The following DCAF10 variants were observed in gnomAD, a reference collection of about 807,000 sequenced individuals.
DCAF10 encodes DDB1 and CUL4 associated factor 10.
In DCAF10, 19 loss-of-function variants were observed where a neutral mutation model predicts 51.9. That is an observed-to-expected ratio of 0.37 (90% CI 0.26 to 0.54). The LOEUF (loss-of-function observed/expected upper bound fraction) is 0.54, where lower values mean the gene tolerates loss of function less well. Among genes scored for constraint, DCAF10 ranks in the 20% least tolerant of loss-of-function variants. DCAF10 has a pLI of 0.87. For missense variants in DCAF10, 510 were observed against 730.6 expected (o/e 0.70, Z 3.48); for synonymous variants, 291 against 297.1 (o/e 0.98, Z 0.21).
At chr9:37,842,845 C>T (rs949632145) in intron 3 of DCAF10, among the ~76,000 whole-genome samples, 8 of 152,170 alleles carry the variant, frequency 5.3e-5, no homozygotes, top group African/African-American at 1.4e-4. Flanking sequence ...AGTTGTCCCA[C>T]CTAAAATGCC....
intron 2 of DCAF10, among the ~76,000 whole-genome samples, chr9:37,831,571 C>T (rs1393593030): frequency 3.3e-5 from 5 of 152,126 alleles, no homozygotes; most frequent in Non-Finnish European, 7.4e-5. Flanking sequence ...TCATTTTGTA[C>T]ATACTTGGTA....
chr9:37,832,396 T>C (rs1371894524), intron 2 of DCAF10, among the ~76,000 whole-genome samples: 1 of 151,374 alleles, frequency 6.6e-6, no homozygotes, highest in African/African-American at 2.4e-5. Flanking sequence ...AGGTGGAGGT[T>C]GCAGTGAGCC....
At chr9:37,846,578 T>C (rs1412093862) in intron 3 of DCAF10, among the ~76,000 whole-genome samples, 2 of 152,088 alleles carry the variant, frequency 1.3e-5, no homozygotes, top group African/African-American at 4.8e-5. Flanking sequence ...TGCCTCAGCC[T>C]CCTAAGTAGC....
intron 1 of DCAF10, among the ~76,000 whole-genome samples, chr9:37,808,239 T>C (rs545238176): frequency 6.6e-6 from 1 of 151,324 alleles, no homozygotes; most frequent in South Asian, 2.1e-4. Context: ...TTCCAGACCA[T>C]CCTTACAAAA....
At chr9:37,853,066 C>T (rs1008868564) in intron 3 of DCAF10, among the ~76,000 whole-genome samples, 10 of 148,328 alleles carry the variant, frequency 6.7e-5, no homozygotes, top group African/African-American at 2.0e-4. Context: ...GCAGGAGAAT[C>T]GCTTAAACCC....
chr9:37,849,640 T>C (rs1830574594), intron 3 of DCAF10, among the ~76,000 whole-genome samples: 1 of 152,026 alleles, frequency 6.6e-6, no homozygotes. Flanking sequence ...CCCAGCACTT[T>C]GGGAGGTTGA....
chr9:37,837,542 CTT>C (rs921730962), intron 2 of DCAF10, among the ~76,000 whole-genome samples: 19 of 151,688 alleles, frequency 1.3e-4, no homozygotes, highest in African/African-American at 4.6e-4. Flanking sequence ...GATAAGCCCT[CTT>C]TCTTTTGGTA....
chr9:37,815,410 C>A (rs986358670), intron 1 of DCAF10, among the ~76,000 whole-genome samples: 14 of 152,016 alleles, frequency 9.2e-5, no homozygotes, highest in African/African-American at 3.4e-4. Flanking sequence ...TTTGGGAGGC[C>A]GAGGCAGGTG....
chr9:37,819,060 G>A (rs1417393406), intron 1 of DCAF10, among the ~76,000 whole-genome samples: 1 of 152,094 alleles, frequency 6.6e-6, no homozygotes, highest in Non-Finnish European at 1.5e-5. Context: ...TAGAGGTGCT[G>A]TGCAAACATA....
rs757870988 is a variant in DCAF10, at chr9:37,800,923, T to TGAGGAGCCGACGCCCCAC, written c.62_79dup (p.Glu21_Glu26dup). On this transcript the variant is annotated inframe_insertion, in exon 1 of 7. Transcript: ENST00000377724. ...GGGACGGATCGGCCGGAGCCGGGGCTGAGGAGCCGACGCCCCACGAGGGGC... is the reference window on the plus strand; with the variant it reads ...GGGACGGATCGGCCGGAGCCGGGGCTGAGGAGCCGACGCCCCACGAGGAGCCGACGCCCCACGAGGGGC... 177 of 1,495,796 alleles carry TGAGGAGCCGACGCCCCAC rather than the reference T, an allele frequency of 1.2e-4. No homozygotes were observed. In the African/African-American group the frequency reaches 2.1e-3, roughly 18 times the overall value. The allele number at this position is 1,495,796 out of a possible 1,614,324, so 92.7% of individuals were successfully genotyped here.
chr9:37,815,840 C>G (rs1829511255), intron 1 of DCAF10, among the ~76,000 whole-genome samples: 1 of 152,098 alleles, frequency 6.6e-6, no homozygotes. Context: ...GTCAGCTAGG[C>G]TGGAGTGCAG....
At chr9:37,833,401 T>C (rs1426753402) in intron 2 of DCAF10, among the ~76,000 whole-genome samples, 2 of 152,206 alleles carry the variant, frequency 1.3e-5, no homozygotes, top group East Asian at 3.8e-4. Flanking sequence ...AAAAAATTGT[T>C]AGTCAAACAA....
At chr9:37,840,647 G>T (rs1278113843) in intron 2 of DCAF10, among the ~76,000 whole-genome samples, 1 of 152,054 alleles carries the variant, frequency 6.6e-6, no homozygotes, top group South Asian at 2.1e-4. Context: ...GTAATCGAAG[G>T]TTAATTTATT....
chr9:37,853,687 C>G (rs1013511020), intron 3 of DCAF10, among the ~76,000 whole-genome samples: 5 of 151,978 alleles, frequency 3.3e-5, no homozygotes, highest in Admixed American at 1.3e-4. Flanking sequence ...GCTCACTGCA[C>G]CGTCCACATC....
At chr9:37,815,948 C>T (rs1829515687) in intron 1 of DCAF10, among the ~76,000 whole-genome samples, 1 of 152,112 alleles carries the variant, frequency 6.6e-6, no homozygotes, top group South Asian at 2.1e-4. Context: ...TGTGCACCAT[C>T]ATACCTGGCT....
At chr9:37,809,556 C>T (rs978495440) in intron 1 of DCAF10, among the ~76,000 whole-genome samples, 4 of 152,056 alleles carry the variant, frequency 2.6e-5, no homozygotes, top group Admixed American at 1.3e-4. Flanking sequence ...GGACATAGGT[C>T]GGCACAGTGG....
chr9:37,858,306 T>C lies in DCAF10; in HGVS notation c.1165+955T>C, dbSNP rs1300120972. On this transcript the variant is annotated intron_variant, in intron 5 of 6. Coordinates refer to ENST00000377724, the MANE Select transcript of DCAF10 (RefSeq NM_024345.5). ...AGGCTCCTCCTCTTAAATTTAAAGA[T>C]TTATGCCCAGAAGTATAACATTTTT... 3.9e-5 allele frequency among the ~76,000 whole-genome samples: 6 copies of C among 152,344 alleles called. No homozygotes were observed. In the East Asian group the frequency reaches 1.2e-3, roughly 29 times the overall value.
intron 3 of DCAF10, among the ~76,000 whole-genome samples, chr9:37,848,295 T>C (rs947357919): frequency 6.6e-6 from 1 of 152,216 alleles, no homozygotes; most frequent in Non-Finnish European, 1.5e-5. Context: ...GCACTCATAA[T>C]AAGCAAAAAT....
At chr9:37,836,218 G>A in intron 2 of DCAF10, 2 of 1,523,384 alleles carry the variant, frequency 1.3e-6, no homozygotes, top group East Asian at 4.5e-5. Context: ...CTTTACAGAT[G>A]TTTAGAGTTA....
Sources: gnomAD v4.1 joint callset for allele counts (sites outside exome capture counted in the v4.1 genomes callset) on GRCh38, gnomAD v4.1.1 for gene constraint, MANE v1.5 for transcripts, NCBI Gene and HGNC (gene_info 2026-07-23, HGNC 2026-07-21) for gene names.